BICC1: variants seen among roughly 807,000 people sequenced by gnomAD.
BICC1 encodes the protein BicC family RNA binding protein 1, also known as protein bicaudal C homolog 1.
In BICC1, 43 loss-of-function variants were observed where a neutral mutation model predicts 111.0. The observed-to-expected ratio is 0.39, with a 90% CI of 0.30 to 0.50. The LOEUF is 0.50. BICC1 is among the 20% of genes least tolerant of loss of function. BICC1 has a pLI of 0.88. For synonymous variants in BICC1, 467 were observed against 434.4 expected (o/e 1.07, Z -0.93); for missense variants, 1,091 against 1,203.2 (o/e 0.91, Z 1.38).
At chr10:58,602,307 T>C (rs1845065886) in intron 1 of BICC1, among the ~76,000 whole-genome samples, 1 of 152,182 alleles carries the variant, frequency 6.6e-6, no homozygotes, top group South Asian at 2.1e-4. Flanking sequence ...GTATGACCAA[T>C]GTGTTTGCAT....
At chr10:58,663,742 C>T (rs185086722) in intron 2 of BICC1, among the ~76,000 whole-genome samples, 19 of 152,240 alleles carry the variant, frequency 1.2e-4, no homozygotes, top group Admixed American at 4.6e-4. Context: ...CCCCTGCATT[C>T]GGTGAAAAAA....
intron 3 of BICC1, among the ~76,000 whole-genome samples, chr10:58,780,545 T>G (rs1320715272): frequency 6.6e-6 from 1 of 152,178 alleles, no homozygotes; most frequent in East Asian, 1.9e-4. Flanking sequence ...CACATTACTC[T>G]CTGTAGCATA....
intron 3 of BICC1, among the ~76,000 whole-genome samples, chr10:58,770,227 TTCA>T (rs1842586456): frequency 6.6e-6 from 1 of 152,136 alleles, no homozygotes; most frequent in Non-Finnish European, 1.5e-5. Flanking sequence ...TAAATTAGTC[TTCA>T]TTGATTTTTC....
intron 3 of BICC1, among the ~76,000 whole-genome samples, chr10:58,783,677 A>G (rs545498049): frequency 1.3e-5 from 2 of 152,274 alleles, no homozygotes; most frequent in African/African-American, 4.8e-5. Flanking sequence ...CTGGATGCAA[A>G]GTACAGGATA....
intron 2 of BICC1, among the ~76,000 whole-genome samples, chr10:58,693,852 G>C (rs1191238540): frequency 6.6e-6 from 1 of 152,108 alleles, no homozygotes; most frequent in South Asian, 2.1e-4. Context: ...CTGTGCAGAA[G>C]CTCTTTAGTT....
At chr10:58,522,068 A>G (rs1842405912) in intron 1 of BICC1, among the ~76,000 whole-genome samples, 1 of 151,868 alleles carries the variant, frequency 6.6e-6, no homozygotes, top group Admixed American at 6.6e-5. Flanking sequence ...GAAGCATTTT[A>G]GTCTGGGAAC....
chr10:58,770,962 C>A (rs771815992), intron 3 of BICC1, among the ~76,000 whole-genome samples: 1 of 152,162 alleles, frequency 6.6e-6, no homozygotes, highest in Non-Finnish European at 1.5e-5. Flanking sequence ...TAATAACTAA[C>A]ATTTATGGAG....
At chr10:58,765,580 C>T (rs11006255) in intron 3 of BICC1, among the ~76,000 whole-genome samples, 281 of 152,298 alleles carry the variant, frequency 1.8e-3, no homozygotes, top group Non-Finnish European at 3.4e-3. Context: ...CACTGTAAAT[C>T]CTGAAACATG....
intron 2 of BICC1, among the ~76,000 whole-genome samples, chr10:58,641,082 A>G (rs1021049100): frequency 1.3e-5 from 2 of 152,192 alleles, no homozygotes; most frequent in South Asian, 2.1e-4. Context: ...AAACAATAAT[A>G]CATTCCTTAG....
intron 3 of BICC1, among the ~76,000 whole-genome samples, chr10:58,702,967 C>G (rs2393472): frequency 0.96 from 145,628 of 152,254 alleles, 70,016 homozygotes; most frequent in Middle Eastern, 1. Flanking sequence ...GCCCCTTCTC[C>G]CCATGACTTA....
chr10:58,641,437 G>A (rs1838119350), intron 2 of BICC1, among the ~76,000 whole-genome samples: 1 of 151,906 alleles, frequency 6.6e-6, no homozygotes. Flanking sequence ...AGATGATTTG[G>A]CGCCATCTAG....
At chr10:58,716,940 G>A (rs1840763741) in intron 3 of BICC1, among the ~76,000 whole-genome samples, 1 of 149,126 alleles carries the variant, frequency 6.7e-6, no homozygotes, top group African/African-American at 2.6e-5. Context: ...CTTGGATGCT[G>A]TCATATGCTG....
intron 10 of BICC1, among the ~76,000 whole-genome samples, chr10:58,796,872 T>A (rs893104531): frequency 6.6e-6 from 1 of 151,184 alleles, no homozygotes; most frequent in African/African-American, 2.4e-5. Flanking sequence ...TTGTCTTCAG[T>A]CCCTAGAGAT....
chr10:58,570,679 G>A (rs1649038), intron 1 of BICC1, among the ~76,000 whole-genome samples: 69,911 of 151,964 alleles, frequency 0.46, 17,099 homozygotes, highest in Admixed American at 0.63. Flanking sequence ...AGCAGAGCTT[G>A]CAATTTGTGC....
intron 1 of BICC1, among the ~76,000 whole-genome samples, chr10:58,608,240 C>A (rs1054476129): frequency 4.6e-5 from 7 of 152,084 alleles, no homozygotes; most frequent in African/African-American, 1.7e-4. Context: ...CCCAAAACCA[C>A]CTATTTCGGA....
Position 58,621,903 on chromosome 10 carries a change from TTAGAATAGAATAGAA to T in BICC1, c.237+1055_237+1069del, listed in dbSNP as rs60609267. 5.5e-3 allele frequency among the ~76,000 whole-genome samples: 247 copies of T among 44,780 alleles called. 28 individuals carry two copies. The highest frequency in any genetic ancestry group is 0.019 in the African/African-American group (179 of 9,294). 29.4% of individuals were successfully genotyped at this position (44,780 alleles called of 152,430 possible). On this transcript the variant is annotated intron_variant, in intron 2 of 20. Coordinates refer to ENST00000373886, the MANE Select transcript of BICC1 (RefSeq NM_001080512.3). ...ACAGAGTGAGACTTTGTCTCTAAAA[TTAGAATAGAATAGAA>T]TAGAATAGAATAGAATAGAATAGAA...
intron 3 of BICC1, 92 bp downstream of exon 3, chr10:58,702,235 C>T: frequency 1.1e-6 from 1 of 914,794 alleles, no homozygotes; most frequent in Non-Finnish European, 1.7e-6. Context: ...AACCTTTATT[C>T]TTAACACTTT....
intron 1 of BICC1, among the ~76,000 whole-genome samples, chr10:58,569,182 G>A (rs1280030389): frequency 1.3e-5 from 2 of 152,160 alleles, no homozygotes; most frequent in South Asian, 2.1e-4. Context: ...TTCAAGTTAA[G>A]TAAGTTACAT....
chr10:58,733,407 GT>G (rs1841377547), intron 3 of BICC1, among the ~76,000 whole-genome samples: 1 of 152,202 alleles, frequency 6.6e-6, no homozygotes. Flanking sequence ...ACTATTCCCT[GT>G]TGCCTTACTT....
Sources: gnomAD v4.1 joint callset for allele counts (sites outside exome capture counted in the v4.1 genomes callset) on GRCh38, gnomAD v4.1.1 for gene constraint, MANE v1.5 for transcripts, NCBI Gene and HGNC (gene_info 2026-07-23, HGNC 2026-07-21) for gene names.